LEPR: variants seen among roughly 807,000 people sequenced by gnomAD.
The protein encoded by LEPR is leptin receptor.
Under a neutral mutation model 114.7 loss-of-function variants are expected in LEPR, and 56 were observed. The ratio of observed to expected loss-of-function variants is 0.49; its 90% CI spans 0.39 to 0.61. The LOEUF (loss-of-function observed/expected upper bound fraction) is 0.61, where lower values mean the gene tolerates loss of function less well. Ranked by LOEUF, LEPR falls within the 20% of genes least tolerant of loss-of-function variation. The pLI, the probability that LEPR is intolerant of heterozygous loss-of-function variation, is 0.00. For missense variants in LEPR, 1,202 were observed against 1,352.9 expected, an observed-to-expected ratio of 0.89 and a Z score of 1.75; for synonymous variants, 443 against 461.4, an observed-to-expected ratio of 0.96 and a Z score of 0.51.
At chr1:65,463,089 G>T (rs182877742) in intron 2 of LEPR, among the ~76,000 whole-genome samples, 1 of 152,280 alleles carries the variant, frequency 6.6e-6, no homozygotes, top group East Asian at 1.9e-4. Flanking sequence ...GTCCTGAATG[G>T]TAGTACCTAG....
chr1:65,510,282 G>C (rs760567047), intron 2 of LEPR, among the ~76,000 whole-genome samples: 2 of 152,108 alleles, frequency 1.3e-5, no homozygotes, highest in Non-Finnish European at 2.9e-5. Flanking sequence ...TATTATTTTG[G>C]GTGGGATTCT....
intron 2 of LEPR, among the ~76,000 whole-genome samples, chr1:65,559,888 C>G (rs1214115376): frequency 3.6e-5 from 5 of 137,236 alleles, no homozygotes; most frequent in East Asian, 4.0e-4. Context: ...TCTGAGGGCT[C>G]TGTTCTGTTC....
chr1:65,434,967 G>C (rs993852496), intron 2 of LEPR: 4 of 985,398 alleles, frequency 4.1e-6, no homozygotes, highest in Admixed American at 6.1e-5. Flanking sequence ...TTTGACACCT[G>C]CATTGGGCCG....
At chr1:65,430,356 TG>T (rs1474857082) in intron 2 of LEPR, 14 of 212,186 alleles carry the variant, frequency 6.6e-5, no homozygotes, top group Admixed American at 6.4e-4. Context: ...ACAGATACTA[TG>T]CTAGCAGTAC....
chr1:65,449,880 T>C (rs575830811), intron 2 of LEPR, among the ~76,000 whole-genome samples: 29 of 152,236 alleles, frequency 1.9e-4, no homozygotes, highest in Non-Finnish European at 4.0e-4. Flanking sequence ...CTTTCTAATA[T>C]ATACATTTAA....
chr1:65,529,755 T>C (rs1393821576), intron 2 of LEPR, among the ~76,000 whole-genome samples: 1 of 152,226 alleles, frequency 6.6e-6, no homozygotes, highest in Non-Finnish European at 1.5e-5. Context: ...TTTACTTCAC[T>C]ACTGGTAGCA....
At chr1:65,482,589 T>C (rs1215325662) in intron 2 of LEPR, among the ~76,000 whole-genome samples, 1 of 152,004 alleles carries the variant, frequency 6.6e-6, no homozygotes, top group Non-Finnish European at 1.5e-5. Flanking sequence ...AATGAGGGAA[T>C]TGGTCAACAT....
intron 2 of LEPR, among the ~76,000 whole-genome samples, chr1:65,505,778 A>C (rs7536110): frequency 0.67 from 100,301 of 149,724 alleles, 34,620 homozygotes; most frequent in Middle Eastern, 0.86. Flanking sequence ...TAACTTTACT[A>C]ATATCTCTGT....
At chr1:65,521,144 C>T (rs1324837798) in intron 2 of LEPR, among the ~76,000 whole-genome samples, 1 of 152,216 alleles carries the variant, frequency 6.6e-6, no homozygotes, top group African/African-American at 2.4e-5. Context: ...TCCGATGATT[C>T]TGGTGTTAGC....
rs781428072 is a variant in LEPR, at chr1:65,420,688, G to C, written c.-149G>C. 15 of 1,570,796 alleles carry C rather than the reference G, an allele frequency of 9.5e-6. No individual in the cohort carries two copies. The African/African-American group carries it at 2.0e-4, about 21-fold the overall frequency. ...TGGGCAGGCTGCCCGGGCCGTGGCA[G>C]GAAGCCGGAAGCAGCCGCGGCCCCA... is the stretch of plus-strand genomic sequence containing the variant. On this transcript the variant is annotated 5_prime_UTR_variant, in exon 1 of 20. Coordinates refer to ENST00000349533, the MANE Select transcript of LEPR (RefSeq NM_002303.6).
At chr1:65,547,088 T>C (rs1238510810) in intron 2 of LEPR, among the ~76,000 whole-genome samples, 3 of 151,942 alleles carry the variant, frequency 2.0e-5, no homozygotes, top group African/African-American at 7.3e-5. Context: ...TCTTTGGTTC[T>C]GTTTATATGC....
intron 2 of LEPR, chr1:65,431,914 T>C (rs1307392313): frequency 6.2e-7 from 1 of 1,613,758 alleles, no homozygotes; most frequent in Non-Finnish European, 8.5e-7. Flanking sequence ...CTGGGAGCAG[T>C]GGTAGCACTT....
In LEPR at chr1:65,633,683, C is replaced by G. The variant is rs989966531; in HGVS notation, c.2674-2508C>G. 11 of 985,400 alleles carry G rather than the reference C, an allele frequency of 1.1e-5. No individual in the cohort carries two copies. Among genetic ancestry groups the G allele is most frequent in the Admixed American group, 1.2e-4 (2 of 16,266 alleles). The allele number at this position is 985,400 out of a possible 1,614,324, so 61.0% of individuals were successfully genotyped here. On this transcript the variant is annotated intron_variant, in intron 19 of 19. Transcript: ENST00000349533. This position sits in a 1 kb window ranked among gnomAD's most constrained non-coding sequence, Gnocchi z 4.1. ...TCCATTTTAGATTCCTTTATAGACA[C>G]GTCAGCCTAAAAATCAGCCTATTCG...
At chr1:65,491,699 A>G (rs1279624272) in intron 2 of LEPR, among the ~76,000 whole-genome samples, 1 of 152,100 alleles carries the variant, frequency 6.6e-6, no homozygotes, top group Non-Finnish European at 1.5e-5. Flanking sequence ...GAGTATGTAG[A>G]TCATCTTGAT....
chr1:65,532,167 C>T (rs1650449053), intron 2 of LEPR, among the ~76,000 whole-genome samples: 2 of 152,184 alleles, frequency 1.3e-5, no homozygotes, highest in South Asian at 4.1e-4. Context: ...AGATAATCTT[C>T]AAATCTCATG....
intron 5 of LEPR, among the ~76,000 whole-genome samples, chr1:65,574,022 C>A (rs945471188): frequency 6.6e-6 from 1 of 152,072 alleles, no homozygotes; most frequent in Non-Finnish European, 1.5e-5. Flanking sequence ...GCAGTTGGGA[C>A]CTGTATGTAC....
At chr1:65,468,600 A>C (rs761420557) in intron 2 of LEPR, among the ~76,000 whole-genome samples, 24 of 152,120 alleles carry the variant, frequency 1.6e-4, no homozygotes, top group Non-Finnish European at 3.1e-4. Flanking sequence ...GTGGGAGGAG[A>C]GAGATGACAT....
In LEPR at chr1:65,608,483, A is replaced by G. The variant is rs2376018; in HGVS notation, c.1604-270A>G. Among the ~76,000 whole-genome samples, 26,622 of 152,044 alleles carry G rather than the reference A, an allele frequency of 0.18. 2,491 individuals carry two copies. The highest frequency in any genetic ancestry group is 0.24 in the Middle Eastern group (70 of 292). ...CTTTTGCTTGCAGAGCCAATGGTTCAATTTCTAATCAGGTACTACTACTAG... is the reference window on the plus strand; with the variant it reads ...CTTTTGCTTGCAGAGCCAATGGTTCGATTTCTAATCAGGTACTACTACTAG... On this transcript the variant is annotated intron_variant, in intron 11 of 19. Coordinates refer to ENST00000349533, the MANE Select transcript of LEPR (RefSeq NM_002303.6).
intron 10 of LEPR, among the ~76,000 whole-genome samples, chr1:65,604,531 G>A (rs1656680545): frequency 6.6e-6 from 1 of 152,066 alleles, no homozygotes; most frequent in Non-Finnish European, 1.5e-5. Flanking sequence ...TGCCCAGGCT[G>A]GTCTGGAACT....
Sources: allele counts gnomAD v4.1 joint callset (sites outside exome capture counted in the v4.1 genomes callset), GRCh38; gene constraint gnomAD v4.1.1; non-coding constraint Gnocchi (gnomAD v3.1); transcripts MANE v1.5; gene names NCBI Gene and HGNC (gene_info 2026-07-23, HGNC 2026-07-21).